Variants in PCDHA1 observed in about 807,000 individuals in gnomAD.
PCDHA1 encodes protocadherin alpha 1, also known as protocadherin alpha-1.
In PCDHA1, 42 loss-of-function variants were observed where a neutral mutation model predicts 61.3. That is an observed-to-expected ratio of 0.69 (90% CI 0.54 to 0.89). PCDHA1 has a LOEUF of 0.89. Among genes scored for constraint, PCDHA1 ranks in the 40% least tolerant of loss-of-function variants. The probability of loss-of-function intolerance (pLI) is 0.00; values close to 1 mark genes in which losing one functional copy is unlikely to be tolerated. For synonymous variants in PCDHA1, 610 were observed against 553.8 expected (o/e 1.10, Z -1.43); for missense variants, 1,256 against 1,235.3 (o/e 1.02, Z -0.25).
intron 1 of PCDHA1, among the ~76,000 whole-genome samples, chr5:140,916,329 T>C (rs1554197398): frequency 6.6e-6 from 1 of 152,178 alleles, no homozygotes; most frequent in African/African-American, 2.4e-5. Context: ...TCCCCTTTAC[T>C]TTTTCCTCTG....
chr5:140,882,245 G>A, intron 1 of PCDHA1: 1 of 1,592,614 alleles, frequency 6.3e-7, no homozygotes, highest in Non-Finnish European at 8.6e-7. Context: ...ATTGCAGATA[G>A]CTCTGAGGTT....
chr5:140,870,944 CG>C, intron 1 of PCDHA1: 1 of 1,613,658 alleles, frequency 6.2e-7, no homozygotes, highest in Non-Finnish European at 8.5e-7. Flanking sequence ...CAGCCGGCGG[CG>C]GGCGGCTCGC....
intron 1 of PCDHA1, among the ~76,000 whole-genome samples, chr5:140,894,100 G>C (rs1554185932): frequency 2.0e-5 from 3 of 151,990 alleles, no homozygotes; most frequent in African/African-American, 7.3e-5. Context: ...CTAGCTCCTG[G>C]TGTTGCAGAT....
At chr5:140,796,386 C>A in intron 1 of PCDHA1, 1 of 1,613,876 alleles carries the variant, frequency 6.2e-7, no homozygotes, top group South Asian at 1.1e-5. Context: ...GCTGCCACAT[C>A]TTCACGGTGT....
chr5:140,869,747 C>A (rs1554163400), intron 1 of PCDHA1: 1 of 1,613,276 alleles, frequency 6.2e-7, no homozygotes. Context: ...CTAACAGCTA[C>A]AGACGGGGGA....
chr5:140,865,089 TA>T (rs1554159250), intron 1 of PCDHA1: 1 of 152,250 alleles, frequency 6.6e-6, no homozygotes, highest in Admixed American at 6.5e-5. Flanking sequence ...GGGATATTAA[TA>T]AAGGCACTTC....
chr5:140,875,571 C>T lies in PCDHA1; in HGVS notation c.2394+86887C>T, dbSNP rs782529259. The T allele has an allele frequency of 7.4e-6, 12 of 1,613,992 alleles. No individual in the cohort carries two copies. The Admixed American group carries it at 1.8e-4, about 25-fold the overall frequency. ...AGGTGGGGAGCGGCCAGCTCCACTACTCCGTCTACGAGGAGGCCAAACACG... is the reference window on the plus strand; with the variant it reads ...AGGTGGGGAGCGGCCAGCTCCACTATTCCGTCTACGAGGAGGCCAAACACG... On this transcript the variant is annotated intron_variant, in intron 1 of 3. Transcript: ENST00000504120.
chr5:140,829,222 C>T (rs147499647), intron 1 of PCDHA1: 53 of 1,614,100 alleles, frequency 3.3e-5, no homozygotes, highest in Non-Finnish European at 4.4e-5. Flanking sequence ...TGAACGACCT[C>T]GATTCAGGTG....
chr5:141,007,416 AAATT>A (rs2098327486), intron 3 of PCDHA1, among the ~76,000 whole-genome samples: 1 of 149,348 alleles, frequency 6.7e-6, no homozygotes, highest in Non-Finnish European at 1.5e-5. Context: ...AAAAAAAAAA[AAATT>A]AGCCAGGCAT....
chr5:140,835,129 T>C, intron 1 of PCDHA1: 1 of 1,358,528 alleles, frequency 7.4e-7, no homozygotes, highest in Non-Finnish European at 1.0e-6. Context: ...CTGTATACGG[T>C]GAAATTACCA....
At chr5:140,819,076 G>C (rs1161309485) in intron 1 of PCDHA1, among the ~76,000 whole-genome samples, 3 of 152,068 alleles carry the variant, frequency 2.0e-5, no homozygotes, top group Non-Finnish European at 4.4e-5. Context: ...CATTATACAG[G>C]CAGCGCTAAG....
intron 1 of PCDHA1, among the ~76,000 whole-genome samples, chr5:140,941,202 C>T (rs246071): frequency 0.094 from 11,551 of 122,542 alleles, 708 homozygotes; most frequent in Admixed American, 0.12. Context: ...TTTCTTTCTT[C>T]CTTTCTTTCT....
At chr5:140,935,004 T>C (rs574626430) in intron 1 of PCDHA1, among the ~76,000 whole-genome samples, 1 of 152,340 alleles carries the variant, frequency 6.6e-6, no homozygotes, top group African/African-American at 2.4e-5. Flanking sequence ...ATCCTTTTCA[T>C]GTGAGTCTTA....
intron 1 of PCDHA1, chr5:140,836,486 C>T: frequency 6.2e-7 from 1 of 1,613,874 alleles, no homozygotes; most frequent in Non-Finnish European, 8.5e-7. Context: ...TGTACCTGAT[C>T]ATCGCCATCT....
At chr5:140,801,470 C>A (rs781855381) in intron 1 of PCDHA1, 3 of 1,614,076 alleles carry the variant, frequency 1.9e-6, no homozygotes, top group South Asian at 2.2e-5. Context: ...CTCGGATAGA[C>A]CGCGAGGAAC....
intron 1 of PCDHA1, among the ~76,000 whole-genome samples, chr5:140,950,741 C>A (rs149114023): frequency 1.3e-5 from 2 of 152,006 alleles, no homozygotes; most frequent in African/African-American, 4.8e-5. Flanking sequence ...ATCCTAATTT[C>A]TCTCTATCCT....
rs546596358 is a variant in PCDHA1, at chr5:140,863,481, A to G, written c.2394+74797A>G. The G allele has an allele frequency of 1.2e-4, 54 of 468,998 alleles. No homozygotes were observed. The Middle Eastern group carries it at 1.4e-3, about 12-fold the overall frequency. The allele number at this position is 468,998 out of a possible 1,614,324, so 29.1% of individuals were successfully genotyped here. Reference sequence around the variant, plus strand: ...ATTTTACTCTGGAGAGTCGCCTCCCAAGGTCAACATTACGGCTTTTAGTCC... The same window carrying G: ...ATTTTACTCTGGAGAGTCGCCTCCCGAGGTCAACATTACGGCTTTTAGTCC... On this transcript the variant is annotated intron_variant, in intron 1 of 3. Coordinates refer to ENST00000504120, the MANE Select transcript of PCDHA1 (RefSeq NM_018900.4).
In PCDHA1 at chr5:140,787,839, G is replaced by A. The variant is rs373804553; in HGVS notation, c.1549G>A (p.Val517Met). The A allele has an allele frequency of 1.3e-5, 21 of 1,612,620 alleles. No homozygotes were observed. Among genetic ancestry groups the A allele is most frequent in the African/African-American group, 9.3e-5 (7 of 74,900 alleles). ...GTCAGTGCACGCGGAGAGCGGCAAG[G>A]TGTACGCACTGCAGCCCCTGGACCA... ...YVSVHAESGKVYALQPLDHEE... is the reference protein window; with the variant it reads ...YVSVHAESGKMYALQPLDHEE... The change falls in exon 1 of 4, where the codon GTG becomes ATG. Residue 517 changes from valine to methionine, a missense_variant. Val to Met is a conservative substitution (Grantham distance 21, BLOSUM62 1). Transcript: ENST00000504120.
intron 1 of PCDHA1, chr5:140,861,740 T>C (rs1443034121): frequency 1.3e-5 from 2 of 159,082 alleles, no homozygotes; most frequent in Non-Finnish European, 2.7e-5. Flanking sequence ...TTACATACTG[T>C]GCCGCAATGA....
Sources: gnomAD v4.1 joint callset for allele counts (sites outside exome capture counted in the v4.1 genomes callset) on GRCh38, gnomAD v4.1.1 for gene constraint, MANE v1.5 for transcripts, NCBI Gene and HGNC (gene_info 2026-07-23, HGNC 2026-07-21) for gene names.